TTC28: variants seen among roughly 807,000 people sequenced by gnomAD.
TTC28 encodes the protein tetratricopeptide repeat protein 28.
In TTC28, 61 loss-of-function variants were observed where a neutral mutation model predicts 198.0. That is an observed-to-expected ratio of 0.31 (90% CI 0.25 to 0.38). The LOEUF (loss-of-function observed/expected upper bound fraction) is 0.38. Among genes scored for constraint, TTC28 ranks in the 10% least tolerant of loss-of-function variants. The probability of loss-of-function intolerance (pLI) is 1.00; values close to 1 mark genes in which losing one functional copy is unlikely to be tolerated. For missense variants in TTC28, 2,678 were observed against 3,164.0 expected (o/e 0.85, Z 3.69); for synonymous variants, 1,171 against 1,297.8 (o/e 0.90, Z 2.10).
chr22:28,290,806 G>A (rs1190359333), intron 5 of TTC28, among the ~76,000 whole-genome samples: 1 of 151,978 alleles, frequency 6.6e-6, no homozygotes, highest in Non-Finnish European at 1.5e-5. Context: ...CAGCTACTTG[G>A]GAGGCTGAGG....
chr22:28,128,997 T>C (rs555010876), intron 6 of TTC28, among the ~76,000 whole-genome samples: 3 of 152,208 alleles, frequency 2.0e-5, no homozygotes, highest in Non-Finnish European at 2.9e-5. Context: ...CTCATAAAGA[T>C]TGCAAAAGAT....
At chr22:28,155,310 A>G (rs1408441918) in intron 6 of TTC28, among the ~76,000 whole-genome samples, 1 of 152,198 alleles carries the variant, frequency 6.6e-6, no homozygotes, top group Admixed American at 6.5e-5. Flanking sequence ...GTGGCACAAC[A>G]TCGTGATATA....
At chr22:28,562,854 G>C (rs2145998785) in intron 2 of TTC28, among the ~76,000 whole-genome samples, 1 of 152,314 alleles carries the variant, frequency 6.6e-6, no homozygotes, top group Non-Finnish European at 1.5e-5. Context: ...CCAGCACAGT[G>C]GCTCATGCCT....
intron 5 of TTC28, among the ~76,000 whole-genome samples, chr22:28,246,759 T>A (rs945881404): frequency 6.6e-6 from 1 of 152,146 alleles, no homozygotes; most frequent in African/African-American, 2.4e-5. Context: ...GGTCTCTGAC[T>A]TCAAAGCTCC....
In TTC28 at chr22:28,093,761, TCA is replaced by T. The variant is rs557272858; in HGVS notation, c.3932+317_3932+318del. ...AATTTGTTTATAACAAAAAATAATC[TCA>T]GTTTTAATTGGCTGGTATGTTAAAT... On this transcript the variant is annotated intron_variant, in intron 12 of 22. Transcript: ENST00000397906. 1.5e-3 allele frequency among the ~76,000 whole-genome samples: 226 copies of T among 152,288 alleles called. 1 individual carries two copies. The highest frequency in any genetic ancestry group is 5.2e-3 in the African/African-American group (218 of 41,548).
Position 28,453,130 on chromosome 22 carries a change from C to T in TTC28, c.382-146487G>A, listed in dbSNP as rs369283537. 3.3e-5 allele frequency among the ~76,000 whole-genome samples: 5 copies of T among 152,324 alleles called. No homozygotes were observed. The East Asian group carries it at 5.8e-4, about 18-fold the overall frequency. On this transcript the variant is annotated intron_variant, in intron 2 of 22. Transcript: ENST00000397906. Reference sequence around the variant, plus strand: ...CCTTGGATTCTGCCCATTATCTAAACCTGATTTGCCAGCCACCTTAATGAT... The same window carrying T: ...CCTTGGATTCTGCCCATTATCTAAATCTGATTTGCCAGCCACCTTAATGAT...
chr22:28,649,396 T>A (rs1476413931), intron 1 of TTC28, among the ~76,000 whole-genome samples: 1 of 152,014 alleles, frequency 6.6e-6, no homozygotes, highest in Non-Finnish European at 1.5e-5. Flanking sequence ...TAAAATTTTT[T>A]AAATAAATTA....
At position 28,108,026 on chromosome 22, in the gene TTC28, G is replaced by C; in HGVS notation, c.1819C>G (p.Arg607Gly). Residue 607 changes from arginine to glycine, a missense_variant, in exon 7 of 23, where the codon CGG becomes GGG. Arg to Gly is a moderately radical substitution (Grantham distance 125, BLOSUM62 -2). This residue lies in a region of TTC28 where 775 missense variants were observed against 845.9 expected (regional missense o/e 0.92). Coordinates refer to ENST00000397906, the MANE Select transcript of TTC28 (RefSeq NM_001145418.2). ...LSNLGNFHCSRGEYVQAAPYY... is the reference protein window; with the variant it reads ...LSNLGNFHCSGGEYVQAAPYY... ...GGGGCAGCCTGGACATACTCTCCCC[G>C]AGAGCAGTGGAAATTGCCCAGGTTG... 6 of 1,551,592 alleles carry C rather than the reference G, an allele frequency of 3.9e-6. No homozygotes were observed. The highest frequency in any genetic ancestry group is 5.2e-6 in the Non-Finnish European group (6 of 1,146,990).
At chr22:28,328,837 A>G (rs934573620) in intron 2 of TTC28, among the ~76,000 whole-genome samples, 36 of 150,962 alleles carry the variant, frequency 2.4e-4, no homozygotes, top group African/African-American at 7.7e-4. Flanking sequence ...GAGAACTAAG[A>G]ATGATAAGCT....
intron 12 of TTC28, among the ~76,000 whole-genome samples, chr22:28,057,912 G>C (rs1940354932): frequency 6.6e-6 from 1 of 151,994 alleles, no homozygotes; most frequent in African/African-American, 2.4e-5. Flanking sequence ...ATATGAGTGT[G>C]GGTCTATTTC....
rs138253046 is a variant in TTC28 at position 28,421,489 on chromosome 22, T to C, written c.382-114846A>G. The stretch of plus-strand genomic sequence containing the variant: ...AGGTATATCACATTTCTCTGATGAC[T>C]AATGAGACTGGAATGTTGTCTTTCC... On this transcript the variant is annotated intron_variant, in intron 2 of 22. Coordinates refer to ENST00000397906, the MANE Select transcript of TTC28 (RefSeq NM_001145418.2). 4.3e-4 allele frequency among the ~76,000 whole-genome samples: 65 copies of C among 152,302 alleles called. 1 individual carries two copies. Among genetic ancestry groups the C allele is most frequent in the African/African-American group, 1.4e-3 (59 of 41,562 alleles).
intron 6 of TTC28, among the ~76,000 whole-genome samples, chr22:28,150,513 C>T (rs1466676908): frequency 6.6e-6 from 1 of 152,100 alleles, no homozygotes; most frequent in Non-Finnish European, 1.5e-5. Context: ...AAAGTCACCC[C>T]AAAACAGATG....
intron 1 of TTC28, among the ~76,000 whole-genome samples, chr22:28,639,945 T>C (rs2051336122): frequency 6.6e-6 from 1 of 152,134 alleles, no homozygotes; most frequent in African/African-American, 2.4e-5. Context: ...ACTGTGTGAA[T>C]GGATTTAGCA....
At chr22:28,337,515 T>C (rs1413997151) in intron 2 of TTC28, among the ~76,000 whole-genome samples, 1 of 152,216 alleles carries the variant, frequency 6.6e-6, no homozygotes, top group African/African-American at 2.4e-5. Flanking sequence ...TTTATGAATC[T>C]GGGAGCTTCT....
intron 2 of TTC28, among the ~76,000 whole-genome samples, chr22:28,550,724 C>T (rs1300786487): frequency 6.6e-6 from 1 of 151,970 alleles, no homozygotes; most frequent in East Asian, 1.9e-4. Flanking sequence ...TGCAGCAAAA[C>T]ATTTGATTAG....
chr22:28,538,551 T>C (rs999295434), intron 2 of TTC28, among the ~76,000 whole-genome samples: 2 of 144,764 alleles, frequency 1.4e-5, no homozygotes, highest in African/African-American at 2.6e-5. Context: ...CTTTAGCACC[T>C]TTCTCTTTTT....
At chr22:28,299,044 C>T (rs2044960740) in intron 3 of TTC28, among the ~76,000 whole-genome samples, 1 of 152,016 alleles carries the variant, frequency 6.6e-6, no homozygotes, top group Non-Finnish European at 1.5e-5. Context: ...GGTCAGTAAG[C>T]CACAGGAGAT....
At chr22:28,425,939 G>A (rs995453200) in intron 2 of TTC28, among the ~76,000 whole-genome samples, 5 of 152,148 alleles carry the variant, frequency 3.3e-5, no homozygotes, top group Non-Finnish European at 5.9e-5. Flanking sequence ...GGCTGAGCAC[G>A]GTGGCTCACG....
intron 5 of TTC28, among the ~76,000 whole-genome samples, chr22:28,178,647 T>G (rs1451162483): frequency 6.6e-6 from 1 of 152,110 alleles, no homozygotes; most frequent in Non-Finnish European, 1.5e-5. Flanking sequence ...GCAGGGGTAG[T>G]GGCTGGAGAG....
Sources: allele counts gnomAD v4.1 joint callset (sites outside exome capture counted in the v4.1 genomes callset), GRCh38; gene constraint gnomAD v4.1.1; regional missense constraint gnomAD v4.1.1; transcripts MANE v1.5; gene names NCBI Gene and HGNC (gene_info 2026-07-23, HGNC 2026-07-21).